Variants in SRGAP1 observed in about 807,000 individuals in gnomAD.
SRGAP1 encodes SLIT-ROBO Rho GTPase activating protein 1.
SRGAP1 carries 43 observed loss-of-function variants against 121.9 expected under a neutral mutation model. The observed-to-expected ratio is 0.35, with a 90% CI of 0.28 to 0.46. SRGAP1 has a LOEUF of 0.46. Among genes scored for constraint, SRGAP1 ranks in the 20% least tolerant of loss-of-function variants. SRGAP1 has a pLI of 1.00. For missense variants in SRGAP1, 1,102 were observed against 1,350.9 expected, an observed-to-expected ratio of 0.82 and a Z score of 2.89; for synonymous variants, 447 against 485.4, an observed-to-expected ratio of 0.92 and a Z score of 1.04.
At chr12:63,939,281 C>G (rs919891473) in intron 1 of SRGAP1, among the ~76,000 whole-genome samples, 2 of 151,936 alleles carry the variant, frequency 1.3e-5, no homozygotes, top group Non-Finnish European at 2.9e-5. Flanking sequence ...AGACTCTTAA[C>G]GGGAGGATGT....
At chr12:63,856,027 G>T (rs917156056) in intron 1 of SRGAP1, among the ~76,000 whole-genome samples, 1 of 152,020 alleles carries the variant, frequency 6.6e-6, no homozygotes, top group Non-Finnish European at 1.5e-5. Context: ...GGAAGCTGAG[G>T]CAGGTGGATC....
intron 4 of SRGAP1, among the ~76,000 whole-genome samples, chr12:64,035,955 T>C (rs1464443817): frequency 6.6e-6 from 1 of 152,178 alleles, no homozygotes; most frequent in Admixed American, 6.6e-5. Flanking sequence ...TTCTGTCATT[T>C]CATCCCCATT....
intron 6 of SRGAP1, among the ~76,000 whole-genome samples, chr12:64,050,045 G>A (rs2035210259): frequency 6.6e-6 from 1 of 152,038 alleles, no homozygotes; most frequent in Admixed American, 6.6e-5. Flanking sequence ...TTTCCATTTT[G>A]TTGTATTTTC....
chr12:64,147,644 T>C lies in SRGAP1; in HGVS notation c.*4972T>C, dbSNP rs1455946274. 1 of 398,336 alleles carries C rather than the reference T, an allele frequency of 2.5e-6. No individual in the cohort carries two copies. Among genetic ancestry groups the C allele is most frequent in the Non-Finnish European group, 4.4e-6 (1 of 226,066 alleles). 24.7% of individuals were successfully genotyped at this position (398,336 alleles called of 1,614,324 possible). On this transcript the variant is annotated 3_prime_UTR_variant, in exon 22 of 22. Transcript: ENST00000355086. Reference sequence around the variant, plus strand: ...TGCCTCTCACCATTTCATTCCCTCCTCTCTGAGGTGAAAATAAAGGGGGAT... The same window carrying C: ...TGCCTCTCACCATTTCATTCCCTCCCCTCTGAGGTGAAAATAAAGGGGGAT...
intron 21 of SRGAP1, among the ~76,000 whole-genome samples, chr12:64,136,448 T>G (rs1305152299): frequency 6.6e-6 from 1 of 152,176 alleles, no homozygotes; most frequent in Non-Finnish European, 1.5e-5. Flanking sequence ...AAAAGGCAAC[T>G]TCCAGCTATC....
chr12:64,015,649 T>C (rs2034382792), intron 3 of SRGAP1, among the ~76,000 whole-genome samples: 1 of 152,234 alleles, frequency 6.6e-6, no homozygotes, highest in African/African-American at 2.4e-5. Flanking sequence ...AATGACCTCA[T>C]GTTTACAGAT....
At chr12:64,005,780 G>C (rs12311284) in intron 3 of SRGAP1, among the ~76,000 whole-genome samples, 4,610 of 152,200 alleles carry the variant, frequency 0.03, 250 homozygotes, top group African/African-American at 0.1. Context: ...CATGACAAAT[G>C]CATAGTAACT....
chr12:64,009,431 G>A (rs2034188023), intron 3 of SRGAP1, among the ~76,000 whole-genome samples: 1 of 152,104 alleles, frequency 6.6e-6, no homozygotes, highest in Non-Finnish European at 1.5e-5. Context: ...TTTCCTGTAG[G>A]ATTTAAATCT....
intron 1 of SRGAP1, among the ~76,000 whole-genome samples, chr12:63,941,991 T>A (rs2136351331): frequency 6.6e-6 from 1 of 152,236 alleles, no homozygotes; most frequent in Non-Finnish European, 1.5e-5. Flanking sequence ...GTATTAGAAT[T>A]CTGTTTAAAA....
chr12:64,077,043 A>G (rs2035751270), intron 8 of SRGAP1, among the ~76,000 whole-genome samples: 2 of 152,232 alleles, frequency 1.3e-5, no homozygotes, highest in Non-Finnish European at 2.9e-5. Flanking sequence ...CAAGCAGTCC[A>G]AGAAATTCCA....
chr12:64,055,891 C>T (rs1476236712), intron 6 of SRGAP1, among the ~76,000 whole-genome samples: 1 of 152,118 alleles, frequency 6.6e-6, no homozygotes, highest in Non-Finnish European at 1.5e-5. Flanking sequence ...CTGATGGCTC[C>T]TAGATTTTTA....
At chr12:64,113,830 G>C (rs1032684951) in intron 17 of SRGAP1, among the ~76,000 whole-genome samples, 1 of 152,140 alleles carries the variant, frequency 6.6e-6, no homozygotes, top group Non-Finnish European at 1.5e-5. Context: ...AAGCATATGT[G>C]AGTCTTCTTA....
At chr12:64,072,033 G>A (rs1412032782) in intron 8 of SRGAP1, among the ~76,000 whole-genome samples, 2 of 150,624 alleles carry the variant, frequency 1.3e-5, no homozygotes, top group Non-Finnish European at 2.9e-5. Flanking sequence ...CTGTGCTCTC[G>A]CCTTCTGTGG....
intron 1 of SRGAP1, among the ~76,000 whole-genome samples, chr12:63,903,779 C>T (rs1244418507): frequency 6.6e-6 from 1 of 151,930 alleles, no homozygotes; most frequent in Non-Finnish European, 1.5e-5. Context: ...GGACTACGGG[C>T]GCCCGCCTCC....
intron 21 of SRGAP1, among the ~76,000 whole-genome samples, chr12:64,129,309 C>G (rs1444678090): frequency 6.6e-6 from 1 of 152,124 alleles, no homozygotes; most frequent in East Asian, 1.9e-4. Flanking sequence ...TGTTCAAGGG[C>G]AGGAAGCATA....
intron 1 of SRGAP1, among the ~76,000 whole-genome samples, chr12:63,867,639 G>A (rs1899684140): frequency 6.6e-6 from 1 of 152,060 alleles, no homozygotes; most frequent in African/African-American, 2.4e-5. Context: ...ATGATTAAAT[G>A]AGATCATACC....
chr12:63,878,504 G>A (rs1044352808), intron 1 of SRGAP1, among the ~76,000 whole-genome samples: 1 of 152,028 alleles, frequency 6.6e-6, no homozygotes, highest in Non-Finnish European at 1.5e-5. Flanking sequence ...TCCTCTATTC[G>A]TGTGCGTGTG....
chr12:63,984,827 C>G (rs1355529555), intron 2 of SRGAP1, among the ~76,000 whole-genome samples: 1 of 151,924 alleles, frequency 6.6e-6, no homozygotes, highest in Non-Finnish European at 1.5e-5. Flanking sequence ...ACCAGCCTGA[C>G]CAATATGGTG....
At chr12:64,114,363 CAG>C (rs1249768183) in intron 17 of SRGAP1, among the ~76,000 whole-genome samples, 1 of 102,314 alleles carries the variant, frequency 9.8e-6, no homozygotes, top group Non-Finnish European at 1.8e-5. Flanking sequence ...TTTTTGGAGA[CAG>C]AGTTTCACTC....
Sources: allele counts gnomAD v4.1 joint callset (sites outside exome capture counted in the v4.1 genomes callset), GRCh38; gene constraint gnomAD v4.1.1; transcripts MANE v1.5; gene names NCBI Gene and HGNC (gene_info 2026-07-23, HGNC 2026-07-21).